Variants in PPP2R3A observed in about 807,000 individuals in gnomAD.
PPP2R3A encodes serine/threonine-protein phosphatase 2A regulatory subunit B'' subunit alpha.
A neutral mutation model predicts 106.9 loss-of-function variants in PPP2R3A; 80 were observed. The observed-to-expected ratio is 0.75, with a 90% confidence interval of 0.62 to 0.90. The LOEUF (loss-of-function observed/expected upper bound fraction) is 0.90, where lower values mean the gene tolerates loss of function less well. Ranked by LOEUF, PPP2R3A falls within the 40% of genes least tolerant of loss-of-function variation. PPP2R3A has a pLI of 0.00. For missense variants in PPP2R3A, 1,386 were observed against 1,350.4 expected, an observed-to-expected ratio of 1.03 and a Z score of -0.41; for synonymous variants, 483 against 468.3, an observed-to-expected ratio of 1.03 and a Z score of -0.41.
chr3:135,988,969 G>A (rs188267770), intron 1 of PPP2R3A, among the ~76,000 whole-genome samples: 16 of 152,144 alleles, frequency 1.1e-4, no homozygotes, highest in Non-Finnish European at 1.3e-4. Flanking sequence ...GGGAATGTTC[G>A]TATCTCTCCA....
intron 7 of PPP2R3A, among the ~76,000 whole-genome samples, chr3:136,081,250 C>T (rs1349514876): frequency 6.6e-6 from 1 of 152,194 alleles, no homozygotes; most frequent in Non-Finnish European, 1.5e-5. Flanking sequence ...CTCAGCCTCC[C>T]AAAGTGCTGG....
intron 4 of PPP2R3A, among the ~76,000 whole-genome samples, chr3:136,042,540 T>G (rs1935324337): frequency 1.3e-5 from 2 of 152,166 alleles, no homozygotes; most frequent in South Asian, 4.1e-4. Flanking sequence ...GGTGGATAGA[T>G]CATAGCCACC....
Position 136,001,555 on chromosome 3 carries a change from G to A in PPP2R3A, c.57G>A (p.Val19=), listed in dbSNP as rs1398420157. The change falls in exon 2 of 14, where the codon GTG becomes GTA. Residue 19 remains valine, a synonymous_variant. Transcript: ENST00000264977. ...CTGTGAACCACTACAGCAGCGTGGT[G>A]ATAGACCGGCGTTTTGAACAAGCTA... ...VSTVNHYSSV[V]IDRRFEQAIH... is the part of the protein sequence containing the mutation. The A allele has an allele frequency of 2.5e-6, 4 of 1,614,190 alleles. No individual in the cohort carries two copies. The highest frequency in any genetic ancestry group is 3.4e-6 in the Non-Finnish European group (4 of 1,180,020).
intron 2 of PPP2R3A, among the ~76,000 whole-genome samples, chr3:136,020,383 A>G (rs1934423555): frequency 6.6e-6 from 1 of 152,078 alleles, no homozygotes; most frequent in South Asian, 2.1e-4. Context: ...GTTCTGTGAC[A>G]TATTTCTTTG....
chr3:136,107,844 T>C (rs1937542042), intron 13 of PPP2R3A, among the ~76,000 whole-genome samples: 3 of 152,174 alleles, frequency 2.0e-5, no homozygotes, highest in African/African-American at 7.2e-5. Context: ...AAAGGTTTTT[T>C]TGGCATTGAG....
chr3:136,132,026 C>CGGGG (rs1938446011), intron 13 of PPP2R3A, among the ~76,000 whole-genome samples: 1 of 49,738 alleles, frequency 2.0e-5, no homozygotes, highest in Non-Finnish European at 4.1e-5. Flanking sequence ...GTGGGGGGGG[C>CGGGG]TGGGGGAGGG....
At chr3:136,040,541 A>G (rs1201890246) in intron 3 of PPP2R3A, among the ~76,000 whole-genome samples, 4 of 152,216 alleles carry the variant, frequency 2.6e-5, no homozygotes, top group African/African-American at 9.7e-5. Context: ...CTCCGTCTCA[A>G]AAAAGAAGAA....
intron 5 of PPP2R3A, among the ~76,000 whole-genome samples, chr3:136,057,134 G>C (rs1559893707): frequency 2.0e-5 from 3 of 152,020 alleles, no homozygotes; most frequent in African/African-American, 7.2e-5. Flanking sequence ...AATAGCTGGA[G>C]GCATCATGCT....
chr3:136,124,766 C>G (rs904553381), intron 13 of PPP2R3A, among the ~76,000 whole-genome samples: 8 of 150,258 alleles, frequency 5.3e-5, no homozygotes, highest in African/African-American at 2.0e-4. Context: ...GCTAAACCAA[C>G]AAAAAAAGAG....
At chr3:136,087,304 A>G (rs889663580) in intron 8 of PPP2R3A, among the ~76,000 whole-genome samples, 3 of 84,406 alleles carry the variant, frequency 3.6e-5, no homozygotes, top group Non-Finnish European at 5.1e-5. Flanking sequence ...TCTCTCACCA[A>G]CATGCTAACT....
At chr3:136,045,321 A>G (rs1576458909) in intron 4 of PPP2R3A, among the ~76,000 whole-genome samples, 1 of 152,192 alleles carries the variant, frequency 6.6e-6, no homozygotes, top group South Asian at 2.1e-4. Flanking sequence ...GAACTAAGCT[A>G]CAGGCCTGGT....
intron 1 of PPP2R3A, among the ~76,000 whole-genome samples, chr3:135,984,978 G>C (rs576370321): frequency 2.0e-5 from 3 of 152,160 alleles, no homozygotes; most frequent in Admixed American, 1.3e-4. Context: ...CCCATTCACT[G>C]TCACGAGAAC....
intron 5 of PPP2R3A, among the ~76,000 whole-genome samples, chr3:136,064,064 A>G (rs1485867280): frequency 6.6e-6 from 1 of 151,934 alleles, no homozygotes; most frequent in Non-Finnish European, 1.5e-5. Context: ...TGGCACATAT[A>G]CACCATGGAA....
At chr3:136,005,355 A>G (rs1933805594) in intron 2 of PPP2R3A, among the ~76,000 whole-genome samples, 1 of 152,174 alleles carries the variant, frequency 6.6e-6, no homozygotes, top group South Asian at 2.1e-4. Context: ...TGAATAAGGG[A>G]TACTCAGTCT....
intron 4 of PPP2R3A, among the ~76,000 whole-genome samples, chr3:136,043,534 C>T (rs1935369043): frequency 6.6e-6 from 1 of 152,200 alleles, no homozygotes; most frequent in African/African-American, 2.4e-5. Context: ...AGTATCTCTC[C>T]TCCAAAGGGC....
intron 2 of PPP2R3A, among the ~76,000 whole-genome samples, chr3:136,016,593 C>T (rs539723297): frequency 9.9e-5 from 15 of 152,036 alleles, no homozygotes; most frequent in African/African-American, 2.4e-4. Flanking sequence ...TAACTGTTGT[C>T]GCTTTAAAGT....
rs867650476 is a variant in PPP2R3A, at chr3:136,109,413, C to T, written c.3329+3091C>T. On this transcript the variant is annotated intron_variant, in intron 13 of 13. Transcript: ENST00000264977. Reference sequence around the variant, plus strand: ...AGTCACTTATCAAAATAAAAAGATTCAATTATTGAATGACAACAACAAAGG... The same window carrying T: ...AGTCACTTATCAAAATAAAAAGATTTAATTATTGAATGACAACAACAAAGG... Among the ~76,000 whole-genome samples the T allele has an allele frequency of 5.3e-5, 8 of 152,136 alleles. No individual in the cohort carries two copies. In the Middle Eastern group the frequency reaches 0.017, roughly 323 times the overall value.
chr3:136,002,061 C>A lies in PPP2R3A; in HGVS notation c.563C>A (p.Ser188Tyr). 1 of 1,613,934 alleles carries A rather than the reference C, an allele frequency of 6.2e-7. No homozygotes were observed. The highest frequency in any genetic ancestry group is 1.1e-5 in the South Asian group (1 of 91,010). The part of the protein sequence containing the change: ...RSSSVEEKPL[S>Y]HRNSLDTNLT... The stretch of plus-strand genomic sequence containing the variant: ...TCCTCAGTTGAGGAAAAACCTTTGT[C>A]TCATAGAAACTCACTGGATACGAAC... Residue 188 changes from serine (S) to tyrosine (Y), a missense_variant, in exon 2 of 14, where the codon TCT becomes TAT. By Grantham distance (144) the Ser-to-Tyr change is moderately radical. Transcript: ENST00000264977.
chr3:136,131,798 G>A (rs964616359), intron 13 of PPP2R3A, among the ~76,000 whole-genome samples: 1 of 152,162 alleles, frequency 6.6e-6, no homozygotes, highest in African/African-American at 2.4e-5. Context: ...TTAAGAAAAT[G>A]TGGTACATAT....
Sources: allele counts gnomAD v4.1 joint callset (sites outside exome capture counted in the v4.1 genomes callset), GRCh38; gene constraint gnomAD v4.1.1; transcripts MANE v1.5; gene names NCBI Gene and HGNC (gene_info 2026-07-23, HGNC 2026-07-21).